GPC6: variants seen among roughly 807,000 people sequenced by gnomAD.
GPC6 encodes glypican 6.
GPC6 carries 14 observed loss-of-function variants against 55.2 expected under a neutral mutation model. That is an observed-to-expected ratio of 0.25 (90% confidence interval 0.17 to 0.40). GPC6 has a LOEUF of 0.40. Among genes scored for constraint, GPC6 ranks in the 10% least tolerant of loss-of-function variants. GPC6 has a pLI of 1.00. For synonymous variants in GPC6, 278 were observed against 259.6 expected (o/e 1.07, Z -0.68); for missense variants, 641 against 708.5 (o/e 0.90, Z 1.08).
intron 2 of GPC6, among the ~76,000 whole-genome samples, chr13:93,681,848 G>T (rs1881856865): frequency 1.3e-5 from 2 of 151,862 alleles, no homozygotes; most frequent in African/African-American, 4.8e-5. Flanking sequence ...TTATTTTATT[G>T]TCTTTATCTA....
intron 1 of GPC6, among the ~76,000 whole-genome samples, chr13:93,290,671 T>C (rs1023085043): frequency 3.3e-5 from 5 of 152,236 alleles, no homozygotes; most frequent in African/African-American, 1.2e-4. Context: ...TGCATAAAGA[T>C]ATACTGCCCA....
intron 1 of GPC6, among the ~76,000 whole-genome samples, chr13:93,454,189 A>T (rs2999501): frequency 5.5e-5 from 8 of 146,662 alleles, no homozygotes; most frequent in African/African-American, 2.0e-4. Context: ...ACAAACCTTG[A>T]GCTAGATACA....
At chr13:93,435,957 A>G (rs1165542068) in intron 1 of GPC6, among the ~76,000 whole-genome samples, 1 of 152,140 alleles carries the variant, frequency 6.6e-6, no homozygotes, top group East Asian at 1.9e-4. Context: ...TAGTGATCCC[A>G]GTGGGTTTGC....
At chr13:94,297,686 A>C (rs188056634) in intron 5 of GPC6, among the ~76,000 whole-genome samples, 51 of 152,340 alleles carry the variant, frequency 3.3e-4, no homozygotes, top group African/African-American at 1.2e-3. Flanking sequence ...ATCAGGAGTA[A>C]ATTTTTTAAA....
intron 5 of GPC6, among the ~76,000 whole-genome samples, chr13:94,300,381 A>G (rs1359094329): frequency 6.6e-6 from 1 of 152,152 alleles, no homozygotes; most frequent in Non-Finnish European, 1.5e-5. Flanking sequence ...TTAAAGGAAA[A>G]ATACTTGTAT....
chr13:94,178,420 T>C (rs1888865674), intron 4 of GPC6, among the ~76,000 whole-genome samples: 1 of 152,182 alleles, frequency 6.6e-6, no homozygotes, highest in Non-Finnish European at 1.5e-5. Context: ...ATGCAAACCA[T>C]AAAAAATGAT....
intron 4 of GPC6, among the ~76,000 whole-genome samples, chr13:94,158,324 C>T (rs544654567): frequency 8.1e-5 from 12 of 148,894 alleles, no homozygotes; most frequent in African/African-American, 3.0e-4. Flanking sequence ...CAATTAGACA[C>T]AATTATAGTT....
intron 2 of GPC6, among the ~76,000 whole-genome samples, chr13:93,618,336 A>G (rs1878811691): frequency 1.3e-5 from 2 of 152,122 alleles, no homozygotes; most frequent in South Asian, 4.1e-4. Context: ...TAGTAAATTG[A>G]TCATTAAAAA....
chr13:94,017,068 C>T (rs367616032), intron 3 of GPC6, among the ~76,000 whole-genome samples: 14 of 152,184 alleles, frequency 9.2e-5, no homozygotes, highest in African/African-American at 3.4e-4. Context: ...CTCCTGAACT[C>T]GTGATCCACC....
chr13:93,748,110 TGTA>T (rs1884461644), intron 2 of GPC6, among the ~76,000 whole-genome samples: 1 of 152,236 alleles, frequency 6.6e-6, no homozygotes, highest in African/African-American at 2.4e-5. Flanking sequence ...TTTAATCGAA[TGTA>T]GTGCTTACTG....
intron 4 of GPC6, among the ~76,000 whole-genome samples, chr13:94,265,535 C>T (rs1283635137): frequency 6.6e-6 from 1 of 152,124 alleles, no homozygotes; most frequent in Non-Finnish European, 1.5e-5. Context: ...ATGTTAATAT[C>T]TTTTGGCAAC....
At chr13:94,091,009 A>G (rs1357992501) in intron 4 of GPC6, among the ~76,000 whole-genome samples, 1 of 152,186 alleles carries the variant, frequency 6.6e-6, no homozygotes, top group Non-Finnish European at 1.5e-5. Context: ...TAGAGGCTTC[A>G]TAGTCACAAA....
At chr13:94,369,738 A>T (rs1879451760) in intron 6 of GPC6, among the ~76,000 whole-genome samples, 1 of 151,196 alleles carries the variant, frequency 6.6e-6, no homozygotes, top group African/African-American at 2.4e-5. Context: ...ATCATCTGAG[A>T]TCTCTCTCTC....
intron 6 of GPC6, among the ~76,000 whole-genome samples, chr13:94,353,328 T>A (rs996513500): frequency 6.6e-6 from 1 of 152,116 alleles, no homozygotes; most frequent in Non-Finnish European, 1.5e-5. Context: ...AAAACCTAAT[T>A]TTTTTAGAAT....
chr13:94,134,755 C>G (rs981703167), intron 4 of GPC6, among the ~76,000 whole-genome samples: 2 of 152,104 alleles, frequency 1.3e-5, no homozygotes, highest in South Asian at 4.2e-4. Flanking sequence ...GAATATCATA[C>G]TATTCCTCTA....
At chr13:94,305,950 G>A (rs1273094546) in intron 5 of GPC6, 30 bp from the exon 6 acceptor site, 3 of 1,610,334 alleles carry the variant, frequency 1.9e-6, no homozygotes, top group African/African-American at 1.3e-5. Flanking sequence ...TCATTGTATA[G>A]CTGTTTTTAC....
At chr13:93,376,312 A>T (rs1566324794) in intron 1 of GPC6, among the ~76,000 whole-genome samples, 1 of 152,216 alleles carries the variant, frequency 6.6e-6, no homozygotes, top group Non-Finnish European at 1.5e-5. Context: ...CACAATATCC[A>T]TATTTTAAAG....
chr13:93,626,675 G>A (rs904653396), intron 2 of GPC6, among the ~76,000 whole-genome samples: 6 of 151,908 alleles, frequency 3.9e-5, no homozygotes, highest in South Asian at 2.1e-4. Context: ...AGTGGCACAC[G>A]CCTATAGGCC....
intron 2 of GPC6, among the ~76,000 whole-genome samples, chr13:93,582,028 CG>C (rs1332458058): frequency 6.6e-6 from 1 of 152,062 alleles, no homozygotes; most frequent in Non-Finnish European, 1.5e-5. Context: ...CAGAGAGAGA[CG>C]GTTCACATGA....
Sources: gnomAD v4.1 joint callset for allele counts (sites outside exome capture counted in the v4.1 genomes callset) on GRCh38, gnomAD v4.1.1 for gene constraint, MANE v1.5 for transcripts, NCBI Gene and HGNC (gene_info 2026-07-23, HGNC 2026-07-21) for gene names.